TENM3: variants seen among roughly 807,000 people sequenced by gnomAD.
TENM3 encodes teneurin-3.
Under a neutral mutation model 255.1 loss-of-function variants are expected in TENM3, and 63 were observed. That is an observed-to-expected ratio of 0.25 (90% confidence interval 0.20 to 0.30). The LOEUF (loss-of-function observed/expected upper bound fraction) is 0.30, where lower values mean the gene tolerates loss of function less well. Among genes scored for constraint, TENM3 ranks in the 10% least tolerant of loss-of-function variants. TENM3 has a pLI of 1.00. For missense variants in TENM3, 2,929 were observed against 3,461.1 expected (o/e 0.85, Z 3.86); for synonymous variants, 1,306 against 1,322.3 (o/e 0.99, Z 0.27).
intron 1 of TENM3, among the ~76,000 whole-genome samples, chr4:182,271,929 G>C (rs930841524): frequency 2.0e-5 from 3 of 152,206 alleles, no homozygotes; most frequent in Non-Finnish European, 4.4e-5. Context: ...GTGACTTCAC[G>C]GAGGGTGTGT....
the TENM3 span, among the ~76,000 whole-genome samples, chr4:181,767,033 A>C: frequency 6.8e-6 from 1 of 146,814 alleles, no homozygotes; most frequent in Non-Finnish European, 1.5e-5. Flanking sequence ...CGGGCGGATC[A>C]CGAGGTCAGG....
At chr4:181,590,670 C>A in the TENM3 span, among the ~76,000 whole-genome samples, 110 of 152,302 alleles carry the variant, frequency 7.2e-4, 1 homozygote, top group East Asian at 0.019. Context: ...GAATTGCCTT[C>A]CCAACAGATG....
intron 3 of TENM3, among the ~76,000 whole-genome samples, chr4:182,553,785 A>G (rs138800735): frequency 1.3e-4 from 20 of 152,288 alleles, no homozygotes; most frequent in African/African-American, 4.3e-4. Context: ...TTCAAAGAAA[A>G]TGGAGAGTTA....
At chr4:182,281,082 C>G (rs1274938334) in intron 1 of TENM3, among the ~76,000 whole-genome samples, 1 of 152,118 alleles carries the variant, frequency 6.6e-6, no homozygotes, top group Non-Finnish European at 1.5e-5. Context: ...GTAAAAAACT[C>G]ATTGAGTAAG....
chr4:182,006,799 G>T, the TENM3 span, among the ~76,000 whole-genome samples: 2 of 151,658 alleles, frequency 1.3e-5, no homozygotes, highest in African/African-American at 4.8e-5. Context: ...TTGCCTCTCT[G>T]GCTCTTTTAA....
the TENM3 span, among the ~76,000 whole-genome samples, chr4:181,885,241 T>C: frequency 1.3e-5 from 2 of 152,186 alleles, no homozygotes; most frequent in Non-Finnish European, 2.9e-5. Flanking sequence ...ATACAAAAAG[T>C]TCAAAAACTT....
At chr4:182,708,271 A>G (rs371792486) in intron 12 of TENM3, among the ~76,000 whole-genome samples, 1 of 152,136 alleles carries the variant, frequency 6.6e-6, no homozygotes. Context: ...GCTGGCGGCA[A>G]AGTGCTTCGT....
the TENM3 span, among the ~76,000 whole-genome samples, chr4:181,457,337 T>A: frequency 6.6e-6 from 1 of 151,766 alleles, no homozygotes; most frequent in South Asian, 2.1e-4. Context: ...CAAAGGGCAA[T>A]GTAAACAGAG....
the TENM3 span, among the ~76,000 whole-genome samples, chr4:181,844,799 T>G: frequency 7.5e-4 from 114 of 152,322 alleles, no homozygotes; most frequent in African/African-American, 2.5e-3. Flanking sequence ...AAGTGGAATC[T>G]CCTCAGGAAC....
intron 2 of TENM3, among the ~76,000 whole-genome samples, chr4:182,326,974 G>T (rs75083889): frequency 6.6e-5 from 10 of 152,196 alleles, no homozygotes; most frequent in African/African-American, 2.4e-4. Context: ...TGAGGGTGGC[G>T]TTGCGGATGC....
At chr4:181,579,744 C>T in the TENM3 span, among the ~76,000 whole-genome samples, 1 of 152,022 alleles carries the variant, frequency 6.6e-6, no homozygotes, top group Admixed American at 6.5e-5. Flanking sequence ...GAGGGGAATT[C>T]CTAAGCCAGA....
chr4:181,791,959 G>A, the TENM3 span, among the ~76,000 whole-genome samples: 3 of 152,136 alleles, frequency 2.0e-5, no homozygotes, highest in South Asian at 4.1e-4. Context: ...CCACTCTTAG[G>A]ACATGTGAAC....
intron 3 of TENM3, among the ~76,000 whole-genome samples, chr4:182,522,242 A>G (rs1352848112): frequency 1.3e-5 from 2 of 152,200 alleles, no homozygotes; most frequent in African/African-American, 2.4e-5. Flanking sequence ...ATTATTATTA[A>G]CTATCATTTC....
intron 20 of TENM3, among the ~76,000 whole-genome samples, chr4:182,752,390 A>G (rs1234966982): frequency 6.6e-6 from 1 of 152,158 alleles, no homozygotes; most frequent in Non-Finnish European, 1.5e-5. Flanking sequence ...TTTCTTTGTC[A>G]TGAATGAGTC....
chr4:182,658,178 T>C (rs1238614223), intron 6 of TENM3, among the ~76,000 whole-genome samples: 1 of 152,214 alleles, frequency 6.6e-6, no homozygotes, highest in Admixed American at 6.5e-5. Context: ...ATGTTTGAGT[T>C]TTTGGAACCA....
intron 1 of TENM3, among the ~76,000 whole-genome samples, chr4:182,305,872 G>GTTCT (rs1762103804): frequency 1.3e-5 from 2 of 152,154 alleles, no homozygotes; most frequent in African/African-American, 4.8e-5. Flanking sequence ...ATGTTCTTAC[G>GTTCT]TTCTTTAGTA....
At chr4:181,598,093 T>C in the TENM3 span, among the ~76,000 whole-genome samples, 2 of 152,158 alleles carry the variant, frequency 1.3e-5, 1 homozygote. Context: ...GGACAGACAT[T>C]TGGAAATTAA....
At chr4:182,080,354 G>T in the TENM3 span, among the ~76,000 whole-genome samples, 9 of 152,166 alleles carry the variant, frequency 5.9e-5, no homozygotes, top group East Asian at 1.7e-3. Flanking sequence ...ATATTCATGA[G>T]AAATTATTAA....
intron 1 of TENM3, among the ~76,000 whole-genome samples, chr4:182,209,062 C>T (rs1490922952): frequency 1.3e-4 from 19 of 151,500 alleles, no homozygotes; most frequent in African/African-American, 3.4e-4. Flanking sequence ...TCCGCCTCTG[C>T]GTTCAAGCCA....
Sources: gnomAD v4.1 joint callset for allele counts (sites outside exome capture counted in the v4.1 genomes callset) on GRCh38, gnomAD v4.1.1 for gene constraint, MANE v1.5 for transcripts, NCBI Gene and HGNC (gene_info 2026-07-23, HGNC 2026-07-21) for gene names.